CACNA1A: variants seen among roughly 807,000 people sequenced by gnomAD.
CACNA1A encodes the protein calcium voltage-gated channel subunit alpha1 A.
A neutral mutation model predicts 262.4 loss-of-function variants in CACNA1A; 57 were observed. That is an observed-to-expected ratio of 0.22 (90% CI 0.18 to 0.27). The LOEUF is 0.27. Among genes scored for constraint, CACNA1A ranks in the 10% least tolerant of loss-of-function variants. CACNA1A has a pLI of 1.00. For missense variants in CACNA1A, 2,526 were observed against 3,562.8 expected (o/e 0.71, Z 7.41); for synonymous variants, 1,431 against 1,419.3 (o/e 1.01, Z -0.18).
intron 19 of CACNA1A, among the ~76,000 whole-genome samples, chr19:13,294,374 C>T (rs892900811): frequency 5.3e-5 from 8 of 151,998 alleles, no homozygotes; most frequent in African/African-American, 1.9e-4. Flanking sequence ...ATTTAGTATA[C>T]TGGCCTCCCA....
intron 3 of CACNA1A, among the ~76,000 whole-genome samples, chr19:13,425,030 T>G (rs1325076649): frequency 2.0e-5 from 3 of 152,072 alleles, no homozygotes; most frequent in African/African-American, 4.8e-5. Flanking sequence ...GGTCTCGAAC[T>G]CCTGACCTCA....
At chr19:13,294,510 T>TTTTTTTTG (rs2057620485) in intron 19 of CACNA1A, among the ~76,000 whole-genome samples, 1 of 140,240 alleles carries the variant, frequency 7.1e-6, no homozygotes, top group Non-Finnish European at 1.5e-5. Context: ...TTTTTTTTTT[T>TTTTTTTTG]GAGACAGAGT....
intron 1 of CACNA1A, among the ~76,000 whole-genome samples, chr19:13,457,074 A>G (rs2061026081): frequency 6.6e-6 from 1 of 151,626 alleles, no homozygotes; most frequent in African/African-American, 2.4e-5. Flanking sequence ...ACAAACTGAG[A>G]CTCTATCTCT....
chr19:13,353,299 G>T (rs1247384095), intron 6 of CACNA1A, among the ~76,000 whole-genome samples: 76 of 135,062 alleles, frequency 5.6e-4, no homozygotes, highest in East Asian at 4.1e-3. Flanking sequence ...TTGTATTTTT[G>T]TTTTTTTTTT....
At chr19:13,317,623 G>A (rs2058153813) in intron 10 of CACNA1A, among the ~76,000 whole-genome samples, 1 of 152,178 alleles carries the variant, frequency 6.6e-6, no homozygotes, top group Non-Finnish European at 1.5e-5. Flanking sequence ...ATGCCTCTGG[G>A]AGTCACACCA....
intron 1 of CACNA1A, among the ~76,000 whole-genome samples, chr19:13,499,991 C>T (rs1249794818): frequency 1.3e-5 from 2 of 152,142 alleles, no homozygotes; most frequent in East Asian, 3.9e-4. Context: ...GCCCTACGCA[C>T]CCAACAGATG....
At chr19:13,291,178 C>T (rs2057528030) in intron 19 of CACNA1A, among the ~76,000 whole-genome samples, 1 of 152,122 alleles carries the variant, frequency 6.6e-6, no homozygotes, top group South Asian at 2.1e-4. Flanking sequence ...ACCTGCTGTG[C>T]GTGGCGTTCT....
chr19:13,239,054 A>G (rs1419387391), intron 31 of CACNA1A, among the ~76,000 whole-genome samples: 1 of 151,988 alleles, frequency 6.6e-6, no homozygotes, highest in Non-Finnish European at 1.5e-5. Flanking sequence ...GCCTCCTGTC[A>G]AGCTGTTCCC....
chr19:13,449,553 C>T (rs115996178), intron 3 of CACNA1A, among the ~76,000 whole-genome samples: 164 of 152,280 alleles, frequency 1.1e-3, no homozygotes, highest in African/African-American at 3.9e-3. Flanking sequence ...TAAAGTAATC[C>T]TTCCATCTTT....
chr19:13,435,590 C>T (rs1568642104), intron 3 of CACNA1A, among the ~76,000 whole-genome samples: 1 of 152,020 alleles, frequency 6.6e-6, no homozygotes, highest in Non-Finnish European at 1.5e-5. Context: ...GGGACAATGA[C>T]GGCACCTACC....
chr19:13,389,464 G>T (rs1453628832), intron 3 of CACNA1A, among the ~76,000 whole-genome samples: 1 of 152,138 alleles, frequency 6.6e-6, no homozygotes, highest in African/African-American at 2.4e-5. Context: ...GACCTCACTG[G>T]ACTGAGTACT....
At chr19:13,386,991 G>A (rs12978486) in intron 3 of CACNA1A, among the ~76,000 whole-genome samples, 31,076 of 151,820 alleles carry the variant, frequency 0.2, 4,238 homozygotes, top group Middle Eastern at 0.3. Flanking sequence ...TCACTCTGTC[G>A]CCCAGGCTGG....
chr19:13,371,807 CA>C, intron 3 of CACNA1A, 28 bp from the exon 4 acceptor site: 1 of 1,521,696 alleles, frequency 6.6e-7, no homozygotes, highest in East Asian at 2.4e-5. Flanking sequence ...GAATGGAGAA[CA>C]GAGGGTGGGT....
At chr19:13,211,868 T>C in intron 43 of CACNA1A, 1 of 500,050 alleles carries the variant, frequency 2.0e-6, no homozygotes, top group Non-Finnish European at 3.6e-6. Flanking sequence ...CACTGCCCTC[T>C]GCCCCAGGGG....
rs923430051 is a variant in CACNA1A, at chr19:13,298,461, C to G, written c.3089+83G>C. On this transcript the variant is annotated intron_variant, in intron 19 of 46. Transcript: ENST00000360228. ...GCATTTTATAATATATTTTTATAAA[C>G]AAATACACAGCACGTGCTACTTTGG... 1.6e-5 allele frequency: 20 copies of G among 1,275,122 alleles called. No homozygotes were observed. The African/African-American group carries it at 2.6e-4, about 17-fold the overall frequency. 79.0% of individuals were successfully genotyped at this position (1,275,122 alleles called of 1,614,324 possible).
rs16000 is a variant in CACNA1A, at chr19:13,506,276, A to ACGCCGCCGCCGC, written c.-64_-53dup. 1.8e-5 allele frequency: 25 copies of ACGCCGCCGCCGC among 1,354,592 alleles called. No homozygotes were observed. The highest frequency in any genetic ancestry group is 9.3e-5 in the African/African-American group (6 of 64,444). 83.9% of individuals were successfully genotyped at this position (1,354,592 alleles called of 1,614,324 possible). On this transcript the variant is annotated 5_prime_UTR_variant, in exon 1 of 47. Transcript: ENST00000360228. ...TACGCTGCGGCGAACGATGCGGAAG[A>ACGCCGCCGCCGC]CGCCGCCGCCGCCGCCGCCGCCGCT... is the stretch of plus-strand genomic sequence containing the variant.
intron 38 of CACNA1A, among the ~76,000 whole-genome samples, chr19:13,223,568 C>T (rs1485423357): frequency 6.6e-6 from 1 of 152,192 alleles, no homozygotes; most frequent in Non-Finnish European, 1.5e-5. Context: ...TTCGGTCTCC[C>T]ATCCCCTCAG....
chr19:13,431,834 C>T (rs1040773399), intron 3 of CACNA1A, among the ~76,000 whole-genome samples: 9 of 152,112 alleles, frequency 5.9e-5, no homozygotes, highest in South Asian at 4.2e-4. Flanking sequence ...AATTTGAGGC[C>T]GGGCGTGGTG....
At chr19:13,402,823 CACATATATAT>C (rs954048445) in intron 3 of CACNA1A, among the ~76,000 whole-genome samples, 1 of 136,934 alleles carries the variant, frequency 7.3e-6, no homozygotes, top group Non-Finnish European at 1.6e-5. Context: ...CATATATACA[CACATATATAT>C]ACATATATAT....
Sources: gnomAD v4.1 joint callset for allele counts (sites outside exome capture counted in the v4.1 genomes callset) on GRCh38, gnomAD v4.1.1 for gene constraint, MANE v1.5 for transcripts, NCBI Gene and HGNC (gene_info 2026-07-23, HGNC 2026-07-21) for gene names.